Variants in CMIP observed in about 807,000 individuals in gnomAD.
CMIP encodes c-Maf inducing protein.
In CMIP, 13 loss-of-function variants were observed where a neutral mutation model predicts 97.3. The observed-to-expected ratio is 0.13, with a 90% CI of 0.09 to 0.21. The LOEUF (loss-of-function observed/expected upper bound fraction) is 0.21. CMIP is among the 10% of genes least tolerant of loss of function. The pLI is 1.00. For synonymous variants in CMIP, 538 were observed against 436.3 expected, an observed-to-expected ratio of 1.23 and a Z score of -2.91; for missense variants, 847 against 1,024.9, an observed-to-expected ratio of 0.83 and a Z score of 2.37.
chr16:81,527,993 G>GA (rs1186278858), intron 1 of CMIP, among the ~76,000 whole-genome samples: 1 of 152,138 alleles, frequency 6.6e-6, no homozygotes, highest in African/African-American at 2.4e-5. Flanking sequence ...CTTTTGTAGA[G>GA]AAAACCAACC....
At chr16:81,654,147 C>T (rs375726118) in intron 4 of CMIP, among the ~76,000 whole-genome samples, 8 of 152,300 alleles carry the variant, frequency 5.3e-5, no homozygotes, top group South Asian at 2.1e-4. Flanking sequence ...GCCCCATTGC[C>T]GGCCTCGGGC....
At chr16:81,542,782 A>G (rs552689535) in intron 1 of CMIP, among the ~76,000 whole-genome samples, 106 of 151,626 alleles carry the variant, frequency 7.0e-4, no homozygotes, top group African/African-American at 2.3e-3. Context: ...CAACTTCATG[A>G]CCTCCTCAAA....
At chr16:81,699,900 C>G in intron 15 of CMIP, 99 bp downstream of exon 15, 1 of 793,864 alleles carries the variant, frequency 1.3e-6, no homozygotes, top group South Asian at 1.6e-5. Context: ...GCTGCAGGCA[C>G]GGGGGGCAGT....
Position 81,701,684 on chromosome 16 carries a change from A to G in CMIP, c.1780A>G (p.Asn594Asp), listed in dbSNP as rs1325652205. 1.2e-6 allele frequency: 2 copies of G among 1,613,862 alleles called. No homozygotes were observed. Among genetic ancestry groups the G allele is most frequent in the Non-Finnish European group, 8.5e-7 (1 of 1,179,900 alleles). Reference protein sequence around the residue: ...VEILCLMLEYNIIDNNDTQLQ... With the variant: ...VEILCLMLEYDIIDNNDTQLQ... ...GATCCTGTGCTTGATGCTGGAATAC[A>G]ACATCATCGACAACAACGACACCCA... The change falls in exon 16 of 21, where the codon AAC (asparagine) becomes GAC (aspartate). Residue 594 changes from asparagine to aspartate, a missense_variant. Transcript: ENST00000537098.
intron 1 of CMIP, among the ~76,000 whole-genome samples, chr16:81,507,965 C>T (rs1434342551): frequency 6.6e-6 from 1 of 152,140 alleles, no homozygotes; most frequent in Non-Finnish European, 1.5e-5. Flanking sequence ...GTTTATTTCC[C>T]ATTTGGTTTT....
chr16:81,548,729 T>G (rs1484410712), intron 1 of CMIP, among the ~76,000 whole-genome samples: 2 of 151,614 alleles, frequency 1.3e-5, no homozygotes, highest in Non-Finnish European at 2.9e-5. Flanking sequence ...GCCTGTAGTC[T>G]TAGCTACGTG....
chr16:81,505,554 A>T (rs1467284623), intron 1 of CMIP, among the ~76,000 whole-genome samples: 6 of 152,196 alleles, frequency 3.9e-5, no homozygotes, highest in Admixed American at 1.3e-4. Flanking sequence ...TGGGAACTGA[A>T]AGCCTTGTCT....
chr16:81,551,590 G>A (rs1165920637), intron 1 of CMIP, among the ~76,000 whole-genome samples: 1 of 152,222 alleles, frequency 6.6e-6, no homozygotes, highest in Non-Finnish European at 1.5e-5. Flanking sequence ...GGGGCCGTGT[G>A]CAGTATGTGG....
intron 20 of CMIP, among the ~76,000 whole-genome samples, 178 bp downstream of exon 20, chr16:81,707,262 T>C (rs961739819): frequency 3.3e-5 from 5 of 152,024 alleles, no homozygotes; most frequent in African/African-American, 1.2e-4. Flanking sequence ...AGGGAAGTAA[T>C]TGGAAATAGG....
rs1266741840 is a variant in CMIP at position 81,705,576 on chromosome 16, C to G, written c.2169C>G (p.Val723=). 1.0e-5 allele frequency: 16 copies of G among 1,606,990 alleles called. No individual in the cohort carries two copies. Among genetic ancestry groups the G allele is most frequent in the African/African-American group, 2.7e-5 (2 of 74,838 alleles). Residue 723 remains valine, a synonymous_variant, in exon 19 of 21, where the codon GTC becomes GTG. Transcript: ENST00000537098. ...TGCTGAACCTGTGCGAGACCCCGGT[C>G]ACAGACGCTGGCCTGCTGGCCCTGA... is the stretch of plus-strand genomic sequence containing the variant. The part of the protein sequence containing the change: ...LQVLNLCETP[V]TDAGLLALSS...
At chr16:81,676,210 C>T (rs1349092166) in intron 9 of CMIP, among the ~76,000 whole-genome samples, 3 of 152,192 alleles carry the variant, frequency 2.0e-5, no homozygotes, top group Non-Finnish European at 4.4e-5. Flanking sequence ...CCCCTCGGAG[C>T]CCACAGTAGC....
chr16:81,552,855 G>C (rs2090686462), intron 1 of CMIP, among the ~76,000 whole-genome samples: 1 of 152,268 alleles, frequency 6.6e-6, no homozygotes, highest in South Asian at 2.1e-4. Context: ...CTTCATTGCT[G>C]TGGCTGGGGA....
chr16:81,646,987 G>T (rs1347908398), intron 3 of CMIP, among the ~76,000 whole-genome samples: 2 of 152,092 alleles, frequency 1.3e-5, no homozygotes, highest in Non-Finnish European at 2.9e-5. Flanking sequence ...AGAATTGCTG[G>T]GTCATATGAT....
intron 1 of CMIP, chr16:81,476,348 G>A: frequency 7.2e-7 from 1 of 1,390,780 alleles, no homozygotes. Flanking sequence ...ATAAACCCTG[G>A]AATGTTCCTG....
At chr16:81,576,682 A>C (rs1216802060) in intron 1 of CMIP, among the ~76,000 whole-genome samples, 1 of 152,136 alleles carries the variant, frequency 6.6e-6, no homozygotes, top group East Asian at 1.9e-4. Flanking sequence ...TACTTGCTGC[A>C]GAATGATGTC....
intron 1 of CMIP, among the ~76,000 whole-genome samples, chr16:81,544,246 G>T (rs578035632): frequency 1.8e-3 from 268 of 152,362 alleles, no homozygotes; most frequent in Admixed American, 2.3e-3. Flanking sequence ...TTCAATGTGG[G>T]TGCTGGGCAG....
chr16:81,605,591 G>A (rs985356785), intron 1 of CMIP, among the ~76,000 whole-genome samples: 6 of 152,098 alleles, frequency 3.9e-5, no homozygotes, highest in Non-Finnish European at 7.4e-5. Context: ...CCAACGCATC[G>A]CTTACCCAGC....
intron 1 of CMIP, among the ~76,000 whole-genome samples, chr16:81,543,864 C>T (rs2150843247): frequency 6.6e-6 from 1 of 152,318 alleles, no homozygotes; most frequent in South Asian, 2.1e-4. Flanking sequence ...AAATGCCTTC[C>T]ATTTCACCTT....
intron 1 of CMIP, among the ~76,000 whole-genome samples, chr16:81,445,828 G>T (rs747358113): frequency 6.6e-6 from 1 of 151,856 alleles, no homozygotes; most frequent in Non-Finnish European, 1.5e-5. Flanking sequence ...CCCAGCTCTT[G>T]TGTTTCTGGT....
Sources: gnomAD v4.1 joint callset for allele counts (sites outside exome capture counted in the v4.1 genomes callset) on GRCh38, gnomAD v4.1.1 for gene constraint, MANE v1.5 for transcripts, NCBI Gene and HGNC (gene_info 2026-07-23, HGNC 2026-07-21) for gene names.